The following USP32 variants were observed in gnomAD, a reference collection of about 807,000 sequenced individuals.
USP32 encodes the protein ubiquitin carboxyl-terminal hydrolase 32.
Under a neutral mutation model 204.8 loss-of-function variants are expected in USP32, and 59 were observed. The ratio of observed to expected loss-of-function variants is 0.29; its 90% CI spans 0.23 to 0.36. USP32 has a LOEUF of 0.36. Ranked by LOEUF, USP32 falls within the 10% of genes least tolerant of loss-of-function variation. The probability of loss-of-function intolerance (pLI) is 1.00; values close to 1 mark genes in which losing one functional copy is unlikely to be tolerated. For missense variants in USP32, 1,160 were observed against 1,946.4 expected (o/e 0.60, Z 7.60); for synonymous variants, 517 against 678.4 (o/e 0.76, Z 3.70).
At chr17:60,232,168 C>CTTTTTTTTTTTTTTT (rs58707657) in intron 12 of USP32, among the ~76,000 whole-genome samples, 4 of 109,536 alleles carry the variant, frequency 3.7e-5, no homozygotes, top group African/African-American at 1.5e-4. Context: ...TTTTCTTTTT[C>CTTTTTTTTTTTTTTT]TTTTTTTTTT....
At chr17:60,224,233 C>A (rs1193483738) in intron 13 of USP32, among the ~76,000 whole-genome samples, 5 of 152,232 alleles carry the variant, frequency 3.3e-5, no homozygotes, top group African/African-American at 9.6e-5. Context: ...CACTTTGTAA[C>A]CTTCTGCCTG....
chr17:60,346,329 T>C (rs1413831000), intron 1 of USP32, among the ~76,000 whole-genome samples: 3 of 152,176 alleles, frequency 2.0e-5, no homozygotes, highest in Admixed American at 1.3e-4. Flanking sequence ...GTAACAAATA[T>C]TTCAAATTAG....
rs1330792745 is a variant in USP32, at chr17:60,178,705, G to C, written c.*550C>G. On this transcript the variant is annotated 3_prime_UTR_variant, in exon 34 of 34. Coordinates refer to ENST00000300896, the MANE Select transcript of USP32 (RefSeq NM_032582.4). ...AGCAAGAAAGACAAAGAAAGGGTAT[G>C]GAAACAGTTTAAAAAATAAATTGAA... Among the ~76,000 whole-genome samples, 1 of 152,202 alleles carries C rather than the reference G, an allele frequency of 6.6e-6. No homozygotes were observed. The highest frequency in any genetic ancestry group is 1.5e-5 in the Non-Finnish European group (1 of 68,036).
chr17:60,314,418 C>T (rs965162530), intron 2 of USP32, among the ~76,000 whole-genome samples: 2 of 152,032 alleles, frequency 1.3e-5, no homozygotes, highest in Non-Finnish European at 2.9e-5. Context: ...GCTGGGATTA[C>T]AGGGGTGAGT....
At chr17:60,291,527 CTGTGTGTGTATG>C (rs1180568844) in intron 4 of USP32, among the ~76,000 whole-genome samples, 2 of 140,722 alleles carry the variant, frequency 1.4e-5, no homozygotes, top group African/African-American at 2.9e-5. Flanking sequence ...GCTTCTCTCT[CTGTGTGTGTATG>C]TGTGTGTGTG....
intron 12 of USP32, 45 bp from the exon 13 acceptor site, chr17:60,226,276 G>T: frequency 1.4e-6 from 2 of 1,474,974 alleles, no homozygotes; most frequent in South Asian, 2.9e-5. Flanking sequence ...TTTATAATCT[G>T]ACAACTATGT....
chr17:60,244,029 G>GTTTTTTTTTTTTTTTTTTTT lies in USP32; in HGVS notation c.1137-7809_1137-7790dup, dbSNP rs34842511. ...TTTGAATCTCAAGTAGCTGGATTGT[G>GTTTTTTTTTTTTTTTTTTTT]TTTTTTTTTTTTTTTTTTTTTTTTG... On this transcript the variant is annotated intron_variant, in intron 11 of 33. Coordinates refer to ENST00000300896, the MANE Select transcript of USP32 (RefSeq NM_032582.4). Among the ~76,000 whole-genome samples, 15 of 71,692 alleles carry GTTTTTTTTTTTTTTTTTTTT rather than the reference G, an allele frequency of 2.1e-4. 2 individuals are homozygous for GTTTTTTTTTTTTTTTTTTTT. The highest frequency in any genetic ancestry group is 9.2e-4 in the African/African-American group (13 of 14,180). The allele number at this position is 71,692 out of a possible 152,430, so 47.0% of individuals were successfully genotyped here. A position where few individuals can be genotyped will look rare whatever the true frequency, so the allele number is the denominator to read the frequency against.
At position 60,181,308 on chromosome 17, in the gene USP32, A is replaced by G. The variant is rs1201134389; in HGVS notation, c.4548+16T>C. On this transcript the variant is annotated intron_variant, in intron 32 of 33. Transcript: ENST00000300896. ...ACACAGACCACTCTCTGAAAACCAT[A>G]TAATAAACCACTTACCGAAATTGCA... The G allele has an allele frequency of 3.1e-6, 5 of 1,599,438 alleles. No homozygotes were observed. The highest frequency in any genetic ancestry group is 4.3e-6 in the Non-Finnish European group (5 of 1,172,080).
intron 27 of USP32, among the ~76,000 whole-genome samples, chr17:60,195,024 C>G (rs901723814): frequency 6.6e-6 from 1 of 152,166 alleles, no homozygotes; most frequent in Non-Finnish European, 1.5e-5. Flanking sequence ...TATTCATTAC[C>G]CAACTATAAA....
In USP32 at chr17:60,208,772, C is replaced by T. The variant is rs2084893318; in HGVS notation, c.2655G>A (p.Gly885=). The T allele has an allele frequency of 1.2e-6, 2 of 1,608,220 alleles. No homozygotes were observed. The highest frequency in any genetic ancestry group is 1.3e-5 in the African/African-American group (1 of 74,598). The change falls in exon 23 of 34, where the codon GGG becomes GGA. Residue 885 remains glycine, a synonymous_variant. Coordinates refer to ENST00000300896, the MANE Select transcript of USP32 (RefSeq NM_032582.4). ...TGCATTTTACTTGAGATCTTAGCTGCCCATGGAACAAATCCACAACAATTG... is the reference window on the plus strand; with the variant it reads ...TGCATTTTACTTGAGATCTTAGCTGTCCATGGAACAAATCCACAACAATTG... ...NRSIVVDLFH[G]QLRSQVKCKT... is the part of the protein sequence containing the mutation.
intron 2 of USP32, among the ~76,000 whole-genome samples, chr17:60,334,938 C>T (rs2145976142): frequency 7.0e-6 from 1 of 142,432 alleles, no homozygotes; most frequent in South Asian, 2.1e-4. Flanking sequence ...GGATTACAGG[C>T]GTGAGCCACC....
chr17:60,348,484 T>C (rs922644288), intron 1 of USP32, among the ~76,000 whole-genome samples: 3 of 151,994 alleles, frequency 2.0e-5, no homozygotes, highest in Non-Finnish European at 4.4e-5. Context: ...ACCAGCAAGA[T>C]AAAGACTAGG....
intron 2 of USP32, among the ~76,000 whole-genome samples, chr17:60,318,790 C>T (rs1214662380): frequency 6.6e-6 from 1 of 152,138 alleles, no homozygotes; most frequent in Non-Finnish European, 1.5e-5. Context: ...TTATAACATC[C>T]AACATTTAGC....
chr17:60,214,512 T>C, intron 17 of USP32, 108 bp downstream of exon 17: 1 of 856,244 alleles, frequency 1.2e-6, no homozygotes, highest in Non-Finnish European at 1.8e-6. Context: ...TGGCAACATA[T>C]GTACTAAAAT....
intron 2 of USP32, among the ~76,000 whole-genome samples, chr17:60,322,570 T>C (rs1005422963): frequency 4.6e-5 from 7 of 151,924 alleles, no homozygotes; most frequent in African/African-American, 9.7e-5. Context: ...ACTAAAAAAA[T>C]AGAATTTCAA....
intron 1 of USP32, among the ~76,000 whole-genome samples, chr17:60,391,620 C>T (rs746732937): frequency 1.3e-5 from 2 of 152,174 alleles, no homozygotes; most frequent in African/African-American, 2.4e-5. Context: ...AGGATCACAA[C>T]GCCACCAGCG....
chr17:60,205,809 G>C (rs1015619464), intron 25 of USP32, 151 bp from the exon 26 acceptor site: 1 of 1,136,522 alleles, frequency 8.8e-7, no homozygotes, highest in Non-Finnish European at 1.2e-6. Context: ...TTTATTGGAA[G>C]ATTTTAATTT....
rs557474140 is a variant in USP32, at chr17:60,335,998, T to C, written c.186+9483A>G. Among the ~76,000 whole-genome samples the C allele has an allele frequency of 1.0e-4, 15 of 143,250 alleles. 1 individual carries two copies. The South Asian group carries it at 3.2e-3, about 31-fold the overall frequency. 94.0% of individuals were successfully genotyped at this position (143,250 alleles called of 152,430 possible). A position where few individuals can be genotyped will look rare whatever the true frequency, so the allele number is the denominator to read the frequency against. ...TTGGATAGGATCCCAACTGTTTTTA[T>C]CGTCTACTACACTAGTCATGTCAGT... On this transcript the variant is annotated intron_variant, in intron 2 of 33. Transcript: ENST00000300896.
chr17:60,205,770 G>A (rs1223486094), intron 25 of USP32, 112 bp from the exon 26 acceptor site: 4 of 1,115,346 alleles, frequency 3.6e-6, no homozygotes, highest in Non-Finnish European at 5.1e-6. Context: ...CACAGGGCAG[G>A]GAGAAATCAC....
Sources: allele counts gnomAD v4.1 joint callset (sites outside exome capture counted in the v4.1 genomes callset), GRCh38; gene constraint gnomAD v4.1.1; transcripts MANE v1.5; gene names NCBI Gene and HGNC (gene_info 2026-07-23, HGNC 2026-07-21).